HDAC4: variants seen among roughly 807,000 people sequenced by gnomAD.
HDAC4 encodes the protein histone deacetylase A.
In HDAC4, 16 loss-of-function variants were observed where a neutral mutation model predicts 135.1. That is an observed-to-expected ratio of 0.12 (90% confidence interval 0.08 to 0.18). HDAC4 has a LOEUF of 0.18. HDAC4 is among the 10% of genes least tolerant of loss of function. HDAC4 has a pLI of 1.00. For missense variants in HDAC4, 1,143 were observed against 1,511.8 expected (o/e 0.76, Z 4.05); for synonymous variants, 685 against 653.4 (o/e 1.05, Z -0.74).
chr2:239,355,038 G>A lies in HDAC4; in HGVS notation c.-219-2120C>T, dbSNP rs1693403478. On this transcript the variant is annotated intron_variant, in intron 1 of 26. Coordinates refer to ENST00000543185, the MANE Select transcript of HDAC4 (RefSeq NM_001378414.1). ...CTTCTTTCCAGGTAAAACTTTGGGG[G>A]CCGAGTCTTGATGTTGTGGTTGTTA... Among the ~76,000 whole-genome samples the A allele has an allele frequency of 2.0e-5, 3 of 152,110 alleles. No homozygotes were observed. In the South Asian group the frequency reaches 6.2e-4, roughly 32 times the overall value.
chr2:239,327,214 G>A (rs2053496903), intron 2 of HDAC4, among the ~76,000 whole-genome samples: 1 of 152,224 alleles, frequency 6.6e-6, no homozygotes, highest in South Asian at 2.1e-4. Flanking sequence ...TTTGCCCTGG[G>A]AGCCTAGCCG....
chr2:239,187,034 T>G (rs560310283), intron 4 of HDAC4: 1 of 152,668 alleles, frequency 6.6e-6, no homozygotes, highest in Non-Finnish European at 1.5e-5. Flanking sequence ...GTCCTAATCA[T>G]GCACTGTGAA....
At chr2:239,389,121 CA>C (rs1575798572) in intron 1 of HDAC4, among the ~76,000 whole-genome samples, 1 of 152,064 alleles carries the variant, frequency 6.6e-6, no homozygotes, top group East Asian at 1.9e-4. Context: ...AAAAATGCAC[CA>C]ATCAGCACTC....
chr2:239,084,409 T>C lies in HDAC4; in HGVS notation c.2445-167A>G, dbSNP rs184041271. ...ACCCTCAGTGATGCCGGAGAATCGG[T>C]TAACAGACAGACACGTACACACCCC... is the stretch of plus-strand genomic sequence containing the variant. On this transcript the variant is annotated intron_variant, in intron 19 of 26. Transcript: ENST00000543185. Among the ~76,000 whole-genome samples, 468 of 151,824 alleles carry C rather than the reference T, an allele frequency of 3.1e-3. 3 individuals carry two copies. Among genetic ancestry groups the C allele is most frequent in the African/African-American group, 0.011 (448 of 41,340 alleles).
At chr2:239,117,744 G>A (rs1341227285) in intron 12 of HDAC4, among the ~76,000 whole-genome samples, 2 of 152,094 alleles carry the variant, frequency 1.3e-5, no homozygotes, top group East Asian at 1.9e-4. Context: ...CCGGATGCTC[G>A]ATTCATCTGT....
At chr2:239,064,085 C>G (rs1356688430) in intron 24 of HDAC4, among the ~76,000 whole-genome samples, 1 of 152,190 alleles carries the variant, frequency 6.6e-6, no homozygotes, top group African/African-American at 2.4e-5. Flanking sequence ...CTGCCCCTCT[C>G]CCTCTAATGG....
At chr2:239,200,134 G>T (rs2045665838) in intron 3 of HDAC4, among the ~76,000 whole-genome samples, 1 of 152,168 alleles carries the variant, frequency 6.6e-6, no homozygotes, top group South Asian at 2.1e-4. Flanking sequence ...GCTGTTATTG[G>T]GTTGGGACTT....
chr2:239,376,766 C>T (rs1695039799), intron 1 of HDAC4, among the ~76,000 whole-genome samples: 1 of 151,616 alleles, frequency 6.6e-6, no homozygotes, highest in Admixed American at 6.6e-5. Flanking sequence ...CACGCCACTG[C>T]TATGACACAA....
intron 2 of HDAC4, among the ~76,000 whole-genome samples, chr2:239,298,863 AT>A (rs35449811): frequency 0.17 from 14,308 of 82,084 alleles, 287 homozygotes; most frequent in African/African-American, 0.2. Context: ...GCCATAGCCT[AT>A]TTTTTTTTTT....
In HDAC4 at chr2:239,115,848, A is replaced by G. The variant is rs964944575; in HGVS notation, c.1534-538T>C. 2.0e-5 allele frequency among the ~76,000 whole-genome samples: 3 copies of G among 151,742 alleles called. No individual in the cohort carries two copies. Among genetic ancestry groups the G allele is most frequent in the Admixed American group, 1.3e-4 (2 of 15,232 alleles). On this transcript the variant is annotated intron_variant, in intron 12 of 26. Coordinates refer to ENST00000543185, the MANE Select transcript of HDAC4 (RefSeq NM_001378414.1). The surrounding 1 kb of genome is among the most constrained non-coding windows in gnomAD (Gnocchi z 6.3). ...GACCTCCCTCCTGCCGGATCCTGGGAACACTCCAGGACCTCCCTTCCTGCT... is the reference window on the plus strand; with the variant it reads ...GACCTCCCTCCTGCCGGATCCTGGGGACACTCCAGGACCTCCCTTCCTGCT...
At chr2:239,368,759 C>T (rs1354250221) in intron 1 of HDAC4, among the ~76,000 whole-genome samples, 1 of 152,172 alleles carries the variant, frequency 6.6e-6, no homozygotes, top group Non-Finnish European at 1.5e-5. Flanking sequence ...GTGCTTATCA[C>T]TGCTGGAGTG....
At chr2:239,225,708 C>T (rs771547095) in intron 3 of HDAC4, among the ~76,000 whole-genome samples, 9 of 147,448 alleles carry the variant, frequency 6.1e-5, no homozygotes, top group Non-Finnish European at 9.0e-5. Flanking sequence ...CTGACTAAAC[C>T]GCCTTCAATT....
intron 12 of HDAC4, among the ~76,000 whole-genome samples, chr2:239,122,236 G>A (rs1452885419): frequency 6.6e-6 from 1 of 152,218 alleles, no homozygotes; most frequent in Non-Finnish European, 1.5e-5. Context: ...CAGGAGGCAG[G>A]TTCTTGTGCA....
intron 2 of HDAC4, among the ~76,000 whole-genome samples, chr2:239,300,807 C>T (rs1027211521): frequency 6.6e-6 from 1 of 152,236 alleles, no homozygotes; most frequent in Admixed American, 6.5e-5. Context: ...CATAATTGCA[C>T]GCTGCGTGAT....
intron 1 of HDAC4, among the ~76,000 whole-genome samples, chr2:239,372,378 T>C (rs1290603680): frequency 1.3e-5 from 2 of 152,226 alleles, no homozygotes; most frequent in Admixed American, 6.5e-5. Flanking sequence ...ACAAAAGTCG[T>C]TGTTACCACA....
At chr2:239,138,393 A>T (rs910158204) in intron 9 of HDAC4, among the ~76,000 whole-genome samples, 7 of 152,250 alleles carry the variant, frequency 4.6e-5, no homozygotes, top group African/African-American at 1.2e-4. Context: ...ATGCCTCTGT[A>T]TCCCAGCTAA....
intron 1 of HDAC4, among the ~76,000 whole-genome samples, chr2:239,362,085 T>C (rs1228612092): frequency 6.6e-6 from 1 of 152,204 alleles, no homozygotes; most frequent in Non-Finnish European, 1.5e-5. Context: ...TAGGATGTAT[T>C]TTCCCCTAAC....
chr2:239,101,500 G>C (rs995397802), intron 16 of HDAC4, among the ~76,000 whole-genome samples: 1 of 152,178 alleles, frequency 6.6e-6, no homozygotes, highest in African/African-American at 2.4e-5. Flanking sequence ...CAGTCAACGA[G>C]CCAGGCACGG....
chr2:239,145,120 C>G (rs929209967), intron 7 of HDAC4, among the ~76,000 whole-genome samples: 2 of 152,272 alleles, frequency 1.3e-5, no homozygotes, highest in Non-Finnish European at 2.9e-5. Flanking sequence ...TAATACACCC[C>G]TATCTTCATA....
Sources: allele counts gnomAD v4.1 joint callset (sites outside exome capture counted in the v4.1 genomes callset), GRCh38; gene constraint gnomAD v4.1.1; non-coding constraint Gnocchi (gnomAD v3.1); transcripts MANE v1.5; gene names NCBI Gene and HGNC (gene_info 2026-07-23, HGNC 2026-07-21).